RRN3: variants seen among roughly 807,000 people sequenced by gnomAD.
RRN3 encodes RNA polymerase I transcription factor RRN3.
RRN3 carries 38 observed loss-of-function variants against 82.3 expected under a neutral mutation model. The observed-to-expected ratio is 0.46, with a 90% confidence interval of 0.36 to 0.61. The LOEUF is 0.61. RRN3 is among the 20% of genes least tolerant of loss of function. The probability of loss-of-function intolerance (pLI) is 0.00; values close to 1 mark genes in which losing one functional copy is unlikely to be tolerated. For synonymous variants in RRN3, 284 were observed against 284.3 expected (o/e 1.00, Z 0.01); for missense variants, 726 against 793.1 (o/e 0.92, Z 1.02).
Position 15,071,302 on chromosome 16 carries a change from C to T in RRN3, c.1129-51G>A, listed in dbSNP as rs751539651. On this transcript the variant is annotated intron_variant, in intron 12 of 17. Transcript: ENST00000198767. ...GATCTTTTTTAATGCCTAAGATAAT[C>T]TGGCTATCAAAATCCCAAGATTTTT... 6 of 1,525,366 alleles carry T rather than the reference C, an allele frequency of 3.9e-6. No individual in the cohort carries two copies. In the South Asian group the frequency reaches 7.6e-5, roughly 19 times the overall value. The allele number at this position is 1,525,366 out of a possible 1,614,324, so 94.5% of individuals were successfully genotyped here. A position where few individuals can be genotyped will look rare whatever the true frequency, so the allele number is the denominator to read the frequency against.
At chr16:15,062,698 G>T (rs1386358087) in intron 17 of RRN3, among the ~76,000 whole-genome samples, 1 of 152,190 alleles carries the variant, frequency 6.6e-6, no homozygotes, top group Non-Finnish European at 1.5e-5. Flanking sequence ...AAGTGGCAAA[G>T]ATCTAAATTC....
In RRN3 at chr16:15,079,979, T is replaced by C. The variant is rs1218967597; in HGVS notation, c.765+19A>G. On this transcript the variant is annotated intron_variant, in intron 9 of 17. Transcript: ENST00000198767. ...TCAAGTCAGTAAATGAAAATAAAAA[T>C]AGATTACTCAATACTTACATCCAAC... is the stretch of plus-strand genomic sequence containing the variant. 12 of 1,571,512 alleles carry C rather than the reference T, an allele frequency of 7.6e-6. No homozygotes were observed. The Admixed American group carries it at 1.9e-4, about 25-fold the overall frequency.
rs2045850542 is a variant in RRN3, at chr16:15,084,768, G to A, written c.533-63C>T. The A allele has an allele frequency of 1.3e-5, 15 of 1,178,132 alleles. No homozygotes were observed. In the South Asian group the frequency reaches 1.9e-4, roughly 15 times the overall value. The allele number at this position is 1,178,132 out of a possible 1,614,324, so 73.0% of individuals were successfully genotyped here. A position where few individuals can be genotyped will look rare whatever the true frequency, so the allele number is the denominator to read the frequency against. On this transcript the variant is annotated intron_variant, in intron 6 of 17. Coordinates refer to ENST00000198767, the MANE Select transcript of RRN3 (RefSeq NM_018427.5). ...AAAACTGAAGGGCGACACGCTTGAA[G>A]CTAAAAATAAATGCTGGCTGGGCAC... is the stretch of plus-strand genomic sequence containing the variant.
At chr16:15,072,109 G>A (rs1361164200) in intron 12 of RRN3, among the ~76,000 whole-genome samples, 3 of 152,020 alleles carry the variant, frequency 2.0e-5, no homozygotes, top group Admixed American at 6.5e-5. Context: ...CCTAAATAGC[G>A]CTGTTCTAAA....
In RRN3 at chr16:15,079,596, C is replaced by CT. The variant is rs35328128; in HGVS notation, c.765+401dup. Among the ~76,000 whole-genome samples, 530 of 143,032 alleles carry CT rather than the reference C, an allele frequency of 3.7e-3. 1 individual carries two copies. The highest frequency in any genetic ancestry group is 0.012 in the African/African-American group (457 of 39,242). The allele number at this position is 143,032 out of a possible 152,430, so 93.8% of individuals were successfully genotyped here. On this transcript the variant is annotated intron_variant, in intron 9 of 17. Coordinates refer to ENST00000198767, the MANE Select transcript of RRN3 (RefSeq NM_018427.5). ...AAGAATGGTGCTAGTGGTTTCTTTT[C>CT]TTTTTTTTTTTTTTGAGATGGAGTC...
chr16:15,088,507 T>C (rs1322513235), intron 3 of RRN3, among the ~76,000 whole-genome samples: 17 of 152,034 alleles, frequency 1.1e-4, no homozygotes. Flanking sequence ...TCCACACAAC[T>C]AGTGCAATTC....
chr16:15,066,636 TAAA>T (rs67409412), intron 15 of RRN3, among the ~76,000 whole-genome samples: 5 of 105,436 alleles, frequency 4.7e-5, no homozygotes, highest in Admixed American at 1.9e-4. Flanking sequence ...TTGTCTCAAA[TAAA>T]AAAAAAAAAA....
At chr16:15,073,836 TA>T (rs918275926) in intron 11 of RRN3, among the ~76,000 whole-genome samples, 19 of 152,246 alleles carry the variant, frequency 1.2e-4, no homozygotes, top group Non-Finnish European at 8.8e-5. Context: ...CCAGGATAGT[TA>T]GTCTTGAACT....
chr16:15,079,070 A>G (rs1016437325), intron 9 of RRN3, among the ~76,000 whole-genome samples: 11 of 152,086 alleles, frequency 7.2e-5, no homozygotes, highest in Admixed American at 5.9e-4. Context: ...TCGGCCTCCC[A>G]AAGTGCTGGG....
chr16:15,061,879 G>C lies in RRN3; in HGVS notation c.1821C>G (p.Asp607Glu), dbSNP rs1307059062. ...KKDIVEDEDD[D>E]FLKGEVPQND... is the part of the protein sequence containing the mutation. ...TCTGGGGCACTTCGCCTTTCAGAAA[G>C]TCATCATCTTCATCTTCCACTATGT... The change falls in exon 18 of 18, where the codon GAC becomes GAG. Residue 607 changes from aspartate to glutamate, a missense_variant. Asp to Glu is a conservative substitution (Grantham distance 45, BLOSUM62 2). This residue lies in a region of RRN3 where 166 missense variants were observed against 154.8 expected (regional missense o/e 1.07). Coordinates refer to ENST00000198767, the MANE Select transcript of RRN3 (RefSeq NM_018427.5). 6.2e-7 allele frequency: 1 copy of C among 1,613,148 alleles called. No homozygotes were observed. The highest frequency in any genetic ancestry group is 1.7e-5 in the Admixed American group (1 of 60,020).
At chr16:15,061,977 A>T in intron 17 of RRN3, 72 bp from the exon 18 acceptor site, 1 of 1,438,504 alleles carries the variant, frequency 7.0e-7, no homozygotes, top group Non-Finnish European at 9.6e-7. Flanking sequence ...TTCCTTCCTC[A>T]GGAAGGTGTT....
chr16:15,094,004 T>C, intron 1 of RRN3, 141 bp downstream of exon 1: 2 of 735,578 alleles, frequency 2.7e-6, no homozygotes, highest in South Asian at 3.1e-5. Flanking sequence ...TGAGCTCATT[T>C]CTGTGAACGT....
At chr16:15,090,164 C>G (rs1157297081) in intron 3 of RRN3, among the ~76,000 whole-genome samples, 2 of 151,652 alleles carry the variant, frequency 1.3e-5, no homozygotes, top group African/African-American at 2.4e-5. Flanking sequence ...GAGCCCAGAT[C>G]ACACCACTGC....
At chr16:15,086,662 T>C (rs945964295) in intron 3 of RRN3, among the ~76,000 whole-genome samples, 5 of 152,212 alleles carry the variant, frequency 3.3e-5, no homozygotes, top group African/African-American at 7.2e-5. Flanking sequence ...GTAACTCTAA[T>C]ACACAGGAGA....
intron 11 of RRN3, among the ~76,000 whole-genome samples, chr16:15,074,176 G>A (rs2151784715): frequency 6.6e-6 from 1 of 152,280 alleles, no homozygotes; most frequent in East Asian, 1.9e-4. Flanking sequence ...ATAACAGCAA[G>A]ACCGTTAAAA....
chr16:15,080,660 G>T (rs1291837387), intron 8 of RRN3, among the ~76,000 whole-genome samples: 2 of 152,072 alleles, frequency 1.3e-5, no homozygotes, highest in African/African-American at 4.8e-5. Flanking sequence ...TCAACTCCTG[G>T]ATCTTCCCAC....
intron 3 of RRN3, among the ~76,000 whole-genome samples, 156 bp from the exon 4 acceptor site, chr16:15,086,610 A>T (rs1368145236): frequency 2.6e-5 from 4 of 152,258 alleles, no homozygotes; most frequent in African/African-American, 4.8e-5. Flanking sequence ...ACAGAAAAAG[A>T]TGTCACAATA....
At chr16:15,088,473 G>C (rs2045994823) in intron 3 of RRN3, among the ~76,000 whole-genome samples, 1 of 152,020 alleles carries the variant, frequency 6.6e-6, no homozygotes, top group Non-Finnish European at 1.5e-5. Context: ...GTCTCAAGAT[G>C]GAAAAAAGTT....
At chr16:15,086,690 C>T (rs553798299) in intron 3 of RRN3, among the ~76,000 whole-genome samples, 1 of 152,272 alleles carries the variant, frequency 6.6e-6, no homozygotes, top group African/African-American at 2.4e-5. Context: ...AAATGCAATA[C>T]TTCAGCCTGA....
Sources: gnomAD v4.1 joint callset for allele counts (sites outside exome capture counted in the v4.1 genomes callset) on GRCh38, gnomAD v4.1.1 for gene constraint, gnomAD v4.1.1 regional missense constraint, MANE v1.5 for transcripts, NCBI Gene and HGNC (gene_info 2026-07-23, HGNC 2026-07-21) for gene names.